LRFN2: variants seen among roughly 807,000 people sequenced by gnomAD.
LRFN2 encodes leucine-rich repeat and fibronectin type-III domain-containing protein 2.
In LRFN2, 18 loss-of-function variants were observed where a neutral mutation model predicts 37.3. The ratio of observed to expected loss-of-function variants is 0.48; its 90% CI spans 0.33 to 0.72. The LOEUF (loss-of-function observed/expected upper bound fraction) is 0.72, where lower values mean the gene tolerates loss of function less well. Ranked by LOEUF, LRFN2 falls within the 30% of genes least tolerant of loss-of-function variation. The probability of loss-of-function intolerance (pLI) is 0.02; values close to 1 mark genes in which losing one functional copy is unlikely to be tolerated. For synonymous variants in LRFN2, 556 were observed against 466.6 expected, an observed-to-expected ratio of 1.19 and a Z score of -2.47; for missense variants, 1,006 against 1,060.7, an observed-to-expected ratio of 0.95 and a Z score of 0.72.
chr6:40,403,514 C>T (rs1391870921), intron 2 of LRFN2, among the ~76,000 whole-genome samples: 1 of 152,170 alleles, frequency 6.6e-6, no homozygotes, highest in African/African-American at 2.4e-5. Flanking sequence ...CCTGAGGCAC[C>T]CCTGCCTTAC....
intron 1 of LRFN2, among the ~76,000 whole-genome samples, chr6:40,580,990 G>T (rs1427367543): frequency 6.6e-6 from 1 of 152,124 alleles, no homozygotes; most frequent in Non-Finnish European, 1.5e-5. Context: ...GTGGACATGT[G>T]TACACTGGTG....
At chr6:40,511,400 A>G (rs1765706250) in intron 1 of LRFN2, among the ~76,000 whole-genome samples, 1 of 152,232 alleles carries the variant, frequency 6.6e-6, no homozygotes, top group African/African-American at 2.4e-5. Context: ...ATGCGTTTCA[A>G]TTCTAGAGAT....
chr6:40,575,031 A>G (rs997197215), intron 1 of LRFN2, among the ~76,000 whole-genome samples: 8 of 152,176 alleles, frequency 5.3e-5, no homozygotes, highest in Non-Finnish European at 1.2e-4. Context: ...AGCCATGGCA[A>G]TGGGTCCTTA....
intron 1 of LRFN2, among the ~76,000 whole-genome samples, chr6:40,497,664 C>T (rs1765267984): frequency 6.6e-6 from 1 of 152,120 alleles, no homozygotes; most frequent in South Asian, 2.1e-4. Flanking sequence ...CCTGACAGTG[C>T]CTCAGTTTCC....
At chr6:40,426,246 T>G (rs565301842) in intron 2 of LRFN2, among the ~76,000 whole-genome samples, 1 of 152,360 alleles carries the variant, frequency 6.6e-6, no homozygotes, top group Non-Finnish European at 1.5e-5. Flanking sequence ...TGGGATAATT[T>G]AAGTTAAATG....
chr6:40,470,701 C>G (rs1207692517), intron 1 of LRFN2, among the ~76,000 whole-genome samples: 2 of 152,172 alleles, frequency 1.3e-5, no homozygotes, highest in African/African-American at 4.8e-5. Context: ...CAGTGGTGAG[C>G]CCCTCTCACC....
intron 1 of LRFN2, among the ~76,000 whole-genome samples, chr6:40,454,035 T>TG (rs1421916547): frequency 6.6e-6 from 1 of 152,206 alleles, no homozygotes; most frequent in Non-Finnish European, 1.5e-5. Context: ...TTCCCTGAAG[T>TG]GGGGTCTCCT....
At chr6:40,473,866 G>T (rs1311484835) in intron 1 of LRFN2, among the ~76,000 whole-genome samples, 2 of 152,190 alleles carry the variant, frequency 1.3e-5, no homozygotes. Context: ...CTGAGGCAGA[G>T]TAGTTACATC....
chr6:40,582,264 C>T (rs999968650), intron 1 of LRFN2, among the ~76,000 whole-genome samples: 1 of 151,942 alleles, frequency 6.6e-6, no homozygotes, highest in Non-Finnish European at 1.5e-5. Context: ...TGTTTCTGGG[C>T]ACGTGAACTG....
chr6:40,498,910 T>C (rs566467599), intron 1 of LRFN2, among the ~76,000 whole-genome samples: 24 of 152,328 alleles, frequency 1.6e-4, no homozygotes, highest in African/African-American at 4.8e-4. Context: ...GGAAGCATGC[T>C]TGGGACTAGA....
intron 1 of LRFN2, among the ~76,000 whole-genome samples, chr6:40,468,550 A>C (rs1216536079): frequency 6.6e-6 from 1 of 152,154 alleles, no homozygotes; most frequent in African/African-American, 2.4e-5. Flanking sequence ...CCATTACTAA[A>C]GAAAACTGTA....
At chr6:40,550,372 A>T (rs957015723) in intron 1 of LRFN2, among the ~76,000 whole-genome samples, 1 of 117,068 alleles carries the variant, frequency 8.5e-6, no homozygotes, top group Non-Finnish European at 2.1e-5. Context: ...ACGTCTTTAG[A>T]GAGAGTCACA....
At chr6:40,459,419 G>A (rs1490076704) in intron 1 of LRFN2, among the ~76,000 whole-genome samples, 2 of 152,220 alleles carry the variant, frequency 1.3e-5, no homozygotes, top group East Asian at 3.8e-4. Flanking sequence ...GGTTGTGTGT[G>A]ACACATAACT....
intron 2 of LRFN2, among the ~76,000 whole-genome samples, chr6:40,428,832 T>C (rs1339433269): frequency 6.6e-6 from 1 of 152,174 alleles, no homozygotes; most frequent in East Asian, 1.9e-4. Flanking sequence ...CTTACTTTTT[T>C]CTCAAAAATT....
chr6:40,503,387 G>A (rs992842792), intron 1 of LRFN2, among the ~76,000 whole-genome samples: 1 of 152,202 alleles, frequency 6.6e-6, no homozygotes, highest in African/African-American at 2.4e-5. Flanking sequence ...TGGGGGAGCA[G>A]AGGGAAGTGC....
rs573285227 is a variant in LRFN2 at position 40,536,617 on chromosome 6, G to A, written c.-19+50324C>T. ...TGTTTTGGACCACAACCACTAGGAG[G>A]TGCAGCTGGAGGAACTCAGGACCCG... is the stretch of plus-strand genomic sequence containing the variant. On this transcript the variant is annotated intron_variant, in intron 1 of 2. Transcript: ENST00000338305. Among the ~76,000 whole-genome samples, 4 of 152,160 alleles carry A rather than the reference G, an allele frequency of 2.6e-5. No homozygotes were observed. In the South Asian group the frequency reaches 6.2e-4, roughly 24 times the overall value.
intron 1 of LRFN2, among the ~76,000 whole-genome samples, chr6:40,542,660 C>T (rs1304995273): frequency 6.6e-6 from 1 of 152,156 alleles, no homozygotes; most frequent in East Asian, 1.9e-4. Context: ...ACATCCTCTC[C>T]TCTGTACCCA....
chr6:40,579,198 A>T (rs1767346556), intron 1 of LRFN2, among the ~76,000 whole-genome samples: 1 of 152,160 alleles, frequency 6.6e-6, no homozygotes, highest in African/African-American at 2.4e-5. Flanking sequence ...AATAGCCCTT[A>T]TTGTCATGTG....
intron 1 of LRFN2, among the ~76,000 whole-genome samples, chr6:40,474,233 A>G (rs769960288): frequency 6.6e-6 from 1 of 152,204 alleles, no homozygotes; most frequent in Non-Finnish European, 1.5e-5. Flanking sequence ...TCTGGAGGCC[A>G]GAATTCTGAA....
Sources: gnomAD v4.1 joint callset for allele counts (sites outside exome capture counted in the v4.1 genomes callset) on GRCh38, gnomAD v4.1.1 for gene constraint, MANE v1.5 for transcripts, NCBI Gene and HGNC (gene_info 2026-07-23, HGNC 2026-07-21) for gene names.